GNG4: variants seen among roughly 807,000 people sequenced by gnomAD.
GNG4 encodes guanine nucleotide-binding protein G(I)/G(S)/G(O) subunit gamma-4.
Under a neutral mutation model 5.8 loss-of-function variants are expected in GNG4, and 4 were observed. The ratio of observed to expected loss-of-function variants is 0.69; its 90% CI spans 0.34 to 1.57. GNG4 has a LOEUF of 1.57. Among genes scored for constraint, GNG4 ranks in the 40% most tolerant of loss-of-function variants. GNG4 has a pLI of 0.06. For synonymous variants in GNG4, 29 were observed against 32.9 expected (o/e 0.88, Z 0.41); for missense variants, 96 against 95.1 (o/e 1.01, Z -0.04).
chr1:235,640,164 T>G (rs958803908), intron 1 of GNG4, among the ~76,000 whole-genome samples: 3 of 151,998 alleles, frequency 2.0e-5, no homozygotes, highest in Non-Finnish European at 4.4e-5. Flanking sequence ...GGAGACCTGG[T>G]GTTGCAGGCA....
chr1:235,628,062 C>T (rs919861089), intron 1 of GNG4, among the ~76,000 whole-genome samples: 1 of 152,148 alleles, frequency 6.6e-6, no homozygotes, highest in Non-Finnish European at 1.5e-5. Context: ...CACCTGTAAT[C>T]CCAGCTACTC....
rs575956184 is a variant in GNG4, at chr1:235,611,774, G to C, written c.-122-16263C>G. On this transcript the variant is annotated intron_variant, in intron 1 of 3. Coordinates refer to ENST00000391854, the MANE Select transcript of GNG4 (RefSeq NM_001098722.2). ...CCTGAGCATTGCCAGTATATATGATGAAGTATTGGCCAGGTGTGGTGGCTC... is the reference window on the plus strand; with the variant it reads ...CCTGAGCATTGCCAGTATATATGATCAAGTATTGGCCAGGTGTGGTGGCTC... Among the ~76,000 whole-genome samples, 14 of 152,276 alleles carry C rather than the reference G, an allele frequency of 9.2e-5. No individual in the cohort carries two copies. In the East Asian group the frequency reaches 2.5e-3, roughly 27 times the overall value.
At position 235,556,419 on chromosome 1, in the gene GNG4, G is replaced by A. The variant is rs184804093; in HGVS notation, c.100-4182C>T. 2.3e-3 allele frequency among the ~76,000 whole-genome samples: 344 copies of A among 151,980 alleles called. 3 individuals carry two copies. Among genetic ancestry groups the A allele is most frequent in the African/African-American group, 7.4e-3 (306 of 41,486 alleles). ...CTAAAAATACAAAATTTAGCTGGGCGTGGTGGCCCATGCCTGTAATCCCAG... is the reference window on the plus strand; with the variant it reads ...CTAAAAATACAAAATTTAGCTGGGCATGGTGGCCCATGCCTGTAATCCCAG... On this transcript the variant is annotated intron_variant, in intron 3 of 3. Coordinates refer to ENST00000391854, the MANE Select transcript of GNG4 (RefSeq NM_001098722.2).
At chr1:235,628,168 G>A (rs745937982) in intron 1 of GNG4, among the ~76,000 whole-genome samples, 8 of 152,016 alleles carry the variant, frequency 5.3e-5, no homozygotes, top group African/African-American at 1.5e-4. Context: ...CAACAAGAGC[G>A]AAACTCTGTC....
chr1:235,553,214 G>A (rs1005971810), intron 3 of GNG4, among the ~76,000 whole-genome samples: 7 of 152,198 alleles, frequency 4.6e-5, no homozygotes, highest in African/African-American at 1.4e-4. Flanking sequence ...AAGGCCAGAG[G>A]AAGAGCAGGT....
intron 3 of GNG4, among the ~76,000 whole-genome samples, chr1:235,561,370 C>T (rs1381307306): frequency 6.6e-6 from 1 of 151,928 alleles, no homozygotes; most frequent in African/African-American, 2.4e-5. Flanking sequence ...AGGGTTCTCT[C>T]TCTCTTGCTC....
At position 235,559,836 on chromosome 1, in the gene GNG4, T is replaced by C. The variant is rs75598549; in HGVS notation, c.100-7599A>G. Among the ~76,000 whole-genome samples, 978 of 152,336 alleles carry C rather than the reference T, an allele frequency of 6.4e-3. 12 individuals carry two copies. Among genetic ancestry groups the C allele is most frequent in the African/African-American group, 0.022 (922 of 41,566 alleles). On this transcript the variant is annotated intron_variant, in intron 3 of 3. Transcript: ENST00000391854. ...TTCCACATCAAAAGTTGATTGCACATTGGGAGCTAAATCTAAGATGCTTGA... is the reference window on the plus strand; with the variant it reads ...TTCCACATCAAAAGTTGATTGCACACTGGGAGCTAAATCTAAGATGCTTGA...
At chr1:235,618,296 C>G (rs905784094) in intron 1 of GNG4, among the ~76,000 whole-genome samples, 1 of 152,166 alleles carries the variant, frequency 6.6e-6, no homozygotes, top group Non-Finnish European at 1.5e-5. Flanking sequence ...CCCTCACACA[C>G]ACACAAAAAG....
At chr1:235,635,310 A>C (rs545956012) in intron 1 of GNG4, among the ~76,000 whole-genome samples, 226 of 152,250 alleles carry the variant, frequency 1.5e-3, no homozygotes, top group Non-Finnish European at 2.6e-3. Flanking sequence ...CAGCCTGACC[A>C]ACATGGAGAA....
chr1:235,560,005 A>G (rs565912135), intron 3 of GNG4, among the ~76,000 whole-genome samples: 1 of 152,354 alleles, frequency 6.6e-6, no homozygotes, highest in East Asian at 1.9e-4. Flanking sequence ...AGCCCGTTCA[A>G]CAGGTCAGTG....
chr1:235,621,282 T>TTTTTC (rs1321425982), intron 1 of GNG4, among the ~76,000 whole-genome samples: 1 of 141,740 alleles, frequency 7.1e-6, no homozygotes, highest in South Asian at 2.1e-4. Flanking sequence ...TTTCTTTTTC[T>TTTTTC]TTTTCTTTTC....
At chr1:235,578,939 A>T (rs1468539622) in intron 3 of GNG4, among the ~76,000 whole-genome samples, 2 of 152,096 alleles carry the variant, frequency 1.3e-5, no homozygotes, top group East Asian at 3.8e-4. Context: ...TCTACTAATA[A>T]TACAAAAATT....
At chr1:235,622,304 C>T (rs1006606664) in intron 1 of GNG4, among the ~76,000 whole-genome samples, 5 of 152,128 alleles carry the variant, frequency 3.3e-5, no homozygotes, top group Admixed American at 2.6e-4. Context: ...CTCCAAGAGA[C>T]GTGAGTAGTG....
chr1:235,578,622 G>C (rs2774330), intron 3 of GNG4, among the ~76,000 whole-genome samples: 62,774 of 152,016 alleles, frequency 0.41, 14,063 homozygotes, highest in East Asian at 0.81. Flanking sequence ...TATTACTTGA[G>C]AAAATATGGG....
At chr1:235,591,981 G>A (rs1177968808) in intron 2 of GNG4, among the ~76,000 whole-genome samples, 3 of 152,210 alleles carry the variant, frequency 2.0e-5, no homozygotes, top group Non-Finnish European at 4.4e-5. Context: ...GCCCTGAGAA[G>A]TAAATAAGTG....
intron 2 of GNG4, among the ~76,000 whole-genome samples, chr1:235,593,586 A>G (rs952709106): frequency 6.6e-6 from 1 of 152,196 alleles, no homozygotes; most frequent in Non-Finnish European, 1.5e-5. Flanking sequence ...CCGCGCCGTG[A>G]GTGTTACAAT....
intron 1 of GNG4, among the ~76,000 whole-genome samples, chr1:235,599,545 A>G (rs1351477950): frequency 1.3e-5 from 2 of 151,912 alleles, no homozygotes; most frequent in African/African-American, 4.8e-5. Context: ...ACAAACTCTG[A>G]CCTCAAGTGA....
Position 235,583,335 on chromosome 1 carries a change from C to G in GNG4, c.99+405G>C, listed in dbSNP as rs376923366. Among the ~76,000 whole-genome samples, 8 of 152,302 alleles carry G rather than the reference C, an allele frequency of 5.3e-5. No individual in the cohort carries two copies. In the South Asian group the frequency reaches 1.7e-3, roughly 32 times the overall value. Reference sequence around the variant, plus strand: ...CAAAGGAATATTTGACACACCCAGGCATGGTTCAGAGCTCCACCCTCAACA... The same window carrying G: ...CAAAGGAATATTTGACACACCCAGGGATGGTTCAGAGCTCCACCCTCAACA... On this transcript the variant is annotated intron_variant, in intron 3 of 3. Transcript: ENST00000391854.
At chr1:235,595,764 T>C (rs1311372203) in intron 1 of GNG4, among the ~76,000 whole-genome samples, 1 of 151,990 alleles carries the variant, frequency 6.6e-6, no homozygotes, top group Non-Finnish European at 1.5e-5. Context: ...ACCAGACTGC[T>C]CCCCTGGACC....
Sources: allele counts gnomAD v4.1 joint callset (sites outside exome capture counted in the v4.1 genomes callset), GRCh38; gene constraint gnomAD v4.1.1; transcripts MANE v1.5; gene names NCBI Gene and HGNC (gene_info 2026-07-23, HGNC 2026-07-21).